Variants in MTRR observed in about 807,000 individuals in gnomAD.
MTRR encodes methionine synthase reductase.
MTRR carries 63 observed loss-of-function variants against 79.2 expected under a neutral mutation model. The ratio of observed to expected loss-of-function variants is 0.80; its 90% CI spans 0.65 to 0.98. The LOEUF (loss-of-function observed/expected upper bound fraction) is 0.98. Among genes scored for constraint, MTRR ranks in the 50% least tolerant of loss-of-function variants. The probability of loss-of-function intolerance (pLI) is 0.00; values close to 1 mark genes in which losing one functional copy is unlikely to be tolerated. For synonymous variants in MTRR, 355 were observed against 313.3 expected (o/e 1.13, Z -1.41); for missense variants, 895 against 839.6 (o/e 1.07, Z -0.82).
chr5:7,894,878 A>G (rs1738242892), intron 11 of MTRR, among the ~76,000 whole-genome samples: 1 of 152,322 alleles, frequency 6.6e-6, no homozygotes, highest in Middle Eastern at 3.4e-3. Flanking sequence ...CTTTCAGTAA[A>G]TCTGTTAAAT....
chr5:7,854,612 T>C (rs12657661), intron 1 of MTRR, among the ~76,000 whole-genome samples: 93,957 of 152,014 alleles, frequency 0.62, 30,523 homozygotes, highest in Admixed American at 0.74. Flanking sequence ...CTGATAAAAC[T>C]ATCAGATCTC....
chr5:7,890,728 C>T (rs914896235), intron 9 of MTRR, among the ~76,000 whole-genome samples: 1 of 152,084 alleles, frequency 6.6e-6, no homozygotes, highest in Non-Finnish European at 1.5e-5. Context: ...AAAAATAAAA[C>T]ATACCAAAAC....
chr5:7,861,553 T>C lies in MTRR; in HGVS notation n.392-398T>C, dbSNP rs1187784624. 5 of 1,505,954 alleles carry C rather than the reference T, an allele frequency of 3.3e-6. No individual in the cohort carries two copies. In the Admixed American group the frequency reaches 5.9e-5, roughly 18 times the overall value. The allele number at this position is 1,505,954 out of a possible 1,614,324, so 93.3% of individuals were successfully genotyped here. A position where few individuals can be genotyped will look rare whatever the true frequency, so the allele number is the denominator to read the frequency against. ...TGCTTATTAGCCTCAACGAGTCTTG[T>C]AATGTGAAAAACACAACATTTTCCT... On this transcript the variant is annotated intron_variant and non_coding_transcript_variant, in intron 1 of 3. Coordinates refer to the MTRR transcript ENST00000502509.
chr5:7,879,379 G>T (rs1735152478), intron 5 of MTRR, among the ~76,000 whole-genome samples: 1 of 145,204 alleles, frequency 6.9e-6, no homozygotes, highest in South Asian at 2.3e-4. Flanking sequence ...GAGTTTATGG[G>T]TTTTTTCCGG....
upstream of MTRR, chr5:7,867,855 C>T (rs139472729): frequency 2.5e-6 from 4 of 1,614,144 alleles, no homozygotes; most frequent in African/African-American, 1.3e-5. Flanking sequence ...ACTGGTCCAC[C>T]GAGTGGATGA....
At chr5:7,899,856 G>A in intron 14 of MTRR, 58 bp from the exon 15 acceptor site, 3 of 1,598,828 alleles carry the variant, frequency 1.9e-6, no homozygotes, top group Non-Finnish European at 1.7e-6. Context: ...TGTGAATTAA[G>A]GAGGATTTAC....
intron 1 of MTRR, among the ~76,000 whole-genome samples, chr5:7,859,788 T>C (rs1746399592): frequency 6.6e-6 from 1 of 152,218 alleles, no homozygotes; most frequent in African/African-American, 2.4e-5. Context: ...TTAAACATGA[T>C]CTCTTGTTCT....
chr5:7,899,723 C>T (rs1739165436), intron 14 of MTRR, among the ~76,000 whole-genome samples, 191 bp from the exon 15 acceptor site: 1 of 152,130 alleles, frequency 6.6e-6, no homozygotes. Context: ...AGCTCTGTCT[C>T]CTAGAACAGT....
chr5:7,889,200 C>T lies in MTRR; in HGVS notation c.1252C>T (p.Arg418Ter), dbSNP rs777997657. ...GGCAGCCGATTATAGCCGCTTTGTACGAGATGCCTGTGCCTGCTTGTTGGA... is the reference window on the plus strand; with the variant it reads ...GGCAGCCGATTATAGCCGCTTTGTATGAGATGCCTGTGCCTGCTTGTTGGA... ...QGAADYSRFVRDACACLLDLL... is the reference protein window; with the variant it reads ...QGAADYSRFV Residue 418 changes from arginine (R) to a stop codon, truncating the protein, a stop_gained, in exon 9 of 15, where the codon CGA (arginine) becomes TGA (stop). Transcript: ENST00000440940. LOFTEE classifies it high-confidence loss of function. 1.1e-5 allele frequency: 18 copies of T among 1,613,756 alleles called. No individual in the cohort carries two copies. The highest frequency in any genetic ancestry group is 1.3e-5 in the African/African-American group (1 of 74,916).
At chr5:7,888,178 T>G (rs57240487) in intron 8 of MTRR, among the ~76,000 whole-genome samples, 33,194 of 152,064 alleles carry the variant, frequency 0.22, 4,386 homozygotes, top group Non-Finnish European at 0.29. Flanking sequence ...GAAGTATATT[T>G]GTAAAACAAA....
chr5:7,866,977 T>C, upstream of MTRR: 1 of 1,614,154 alleles, frequency 6.2e-7, no homozygotes, highest in Non-Finnish European at 8.5e-7. Context: ...TGCAGACAAC[T>C]TCAGGATCCA....
At chr5:7,878,728 CAG>C (rs1349757424) in intron 5 of MTRR, among the ~76,000 whole-genome samples, 3 of 152,234 alleles carry the variant, frequency 2.0e-5, no homozygotes, top group Non-Finnish European at 4.4e-5. Context: ...ATGAGTCAAA[CAG>C]AGATGAGTTG....
intron 8 of MTRR, among the ~76,000 whole-genome samples, chr5:7,887,301 T>G (rs374870405): frequency 6.6e-6 from 1 of 152,048 alleles, no homozygotes; most frequent in African/African-American, 2.4e-5. Flanking sequence ...CAGGAACTGT[T>G]TTTTTAAAAC....
chr5:7,900,443 C>A lies in MTRR; in HGVS notation c.*385C>A. The A allele has an allele frequency of 4.6e-6, 1 of 217,892 alleles. No homozygotes were observed. The highest frequency in any genetic ancestry group is 2.3e-5 in the African/African-American group (1 of 43,188). The allele number at this position is 217,892 out of a possible 1,614,324, so 13.5% of individuals were successfully genotyped here. On this transcript the variant is annotated 3_prime_UTR_variant, in exon 15 of 15. Transcript: ENST00000440940. ...TAGCTCATTCTTGTGACTTACAGTG[C>A]CAACATTTAAAAAAGTATGAAAATG...
Position 7,853,200 on chromosome 5 carries a change from C to G in MTRR, n.391+1615C>G, listed in dbSNP as rs115971321. Among the ~76,000 whole-genome samples, 933 of 152,288 alleles carry G rather than the reference C, an allele frequency of 6.1e-3. 6 individuals carry two copies. Among genetic ancestry groups the G allele is most frequent in the African/African-American group, 0.021 (880 of 41,560 alleles). On this transcript the variant is annotated intron_variant and non_coding_transcript_variant, in intron 1 of 3. Coordinates refer to the MTRR transcript ENST00000502509. ...ATTGAATCCTGGGGGCCATTTCCCC[C>G]ATGCTGTTCTTGTGATAGTGAATTC...
intron 1 of MTRR, among the ~76,000 whole-genome samples, chr5:7,851,811 G>A (rs952771644): frequency 2.0e-5 from 3 of 152,062 alleles, no homozygotes; most frequent in Non-Finnish European, 1.5e-5. Flanking sequence ...CCTGCGTTCC[G>A]TTTGTTGAAA....
chr5:7,871,691 C>T (rs888593584), intron 2 of MTRR, among the ~76,000 whole-genome samples: 1 of 152,210 alleles, frequency 6.6e-6, no homozygotes, highest in Non-Finnish European at 1.5e-5. Flanking sequence ...GAACACTAGA[C>T]TGTGTGCAGC....
intron 8 of MTRR, among the ~76,000 whole-genome samples, chr5:7,887,960 G>C (rs920912558): frequency 6.6e-6 from 1 of 150,690 alleles, no homozygotes; most frequent in East Asian, 1.9e-4. Flanking sequence ...GGAAAATATG[G>C]GTATCCATAT....
intron 11 of MTRR, 129 bp downstream of exon 11, chr5:7,893,042 A>T (rs533471435): frequency 8.9e-7 from 1 of 1,118,612 alleles, no homozygotes; most frequent in East Asian, 2.6e-5. Context: ...TTGAATTTTA[A>T]AATCTCTATT....
Sources: allele counts gnomAD v4.1 joint callset (sites outside exome capture counted in the v4.1 genomes callset), GRCh38; gene constraint gnomAD v4.1.1; transcripts MANE v1.5; gene names NCBI Gene and HGNC (gene_info 2026-07-23, HGNC 2026-07-21).